SSBP3: variants seen among roughly 807,000 people sequenced by gnomAD.
The protein encoded by SSBP3 is single stranded DNA binding protein 3.
A neutral mutation model predicts 69.6 loss-of-function variants in SSBP3; 5 were observed. The observed-to-expected ratio is 0.07, with a 90% CI of 0.04 to 0.15. The LOEUF (loss-of-function observed/expected upper bound fraction) is 0.15. SSBP3 is among the 10% of genes least tolerant of loss of function. The pLI, the probability that SSBP3 is intolerant of heterozygous loss-of-function variation, is 1.00. For synonymous variants in SSBP3, 196 were observed against 193.4 expected (o/e 1.01, Z -0.11); for missense variants, 312 against 534.0 (o/e 0.58, Z 4.10).
rs189543623 is a variant in SSBP3 at position 54,310,366 on chromosome 1, T to C, written c.277-28839A>G. On this transcript the variant is annotated intron_variant, in intron 4 of 17. Coordinates refer to ENST00000610401, the Ensembl canonical transcript of SSBP3. ...ACACCTGGTCACCTTCCATAGAGAT[T>C]TCTAAAGGCATTGAGAGCATGGTTT... Among the ~76,000 whole-genome samples, 1,041 of 152,148 alleles carry C rather than the reference T, an allele frequency of 6.8e-3. 11 individuals are homozygous for C. Among genetic ancestry groups the C allele is most frequent in the Non-Finnish European group, 0.01 (713 of 67,996 alleles).
intron 4 of SSBP3, among the ~76,000 whole-genome samples, chr1:54,384,269 A>G (rs557098209): frequency 5.9e-5 from 9 of 152,326 alleles, no homozygotes; most frequent in African/African-American, 1.9e-4. Context: ...TCGATGTGTC[A>G]AAGACCTACT....
chr1:54,379,018 G>A (rs777517082), intron 4 of SSBP3, among the ~76,000 whole-genome samples: 2 of 150,290 alleles, frequency 1.3e-5, no homozygotes, highest in South Asian at 4.3e-4. Context: ...CCCCGCCACC[G>A]CCTGGCCAGG....
At chr1:54,371,501 A>G (rs1647133326) in intron 4 of SSBP3, among the ~76,000 whole-genome samples, 1 of 152,212 alleles carries the variant, frequency 6.6e-6, no homozygotes, top group Admixed American at 6.5e-5. Flanking sequence ...TGACACGGGC[A>G]CAGGAATGGG....
chr1:54,341,117 G>A (rs1042965142), intron 4 of SSBP3, among the ~76,000 whole-genome samples: 3 of 152,194 alleles, frequency 2.0e-5, no homozygotes, highest in African/African-American at 7.2e-5. Context: ...CCTGGTGCTG[G>A]ATTAACTCTC....
intron 9 of SSBP3, among the ~76,000 whole-genome samples, chr1:54,247,621 A>C (rs1644756644): frequency 6.6e-6 from 1 of 152,136 alleles, no homozygotes; most frequent in Admixed American, 6.5e-5. Context: ...CTGAACTCTC[A>C]AATGCAGACA....
intron 10 of SSBP3, 106 bp downstream of exon 10, chr1:54,243,129 A>G: frequency 2.0e-6 from 2 of 993,684 alleles, no homozygotes; most frequent in African/African-American, 1.6e-5. Flanking sequence ...ACTGAGGTCC[A>G]GAGAGGTACC....
At chr1:54,233,892 C>T (rs1644436882) in intron 14 of SSBP3, among the ~76,000 whole-genome samples, 1 of 152,106 alleles carries the variant, frequency 6.6e-6, no homozygotes, top group Non-Finnish European at 1.5e-5. Flanking sequence ...ACAATGGCGG[C>T]TTTGTGGAAT....
At chr1:54,287,830 A>G (rs1388192575) in intron 4 of SSBP3, among the ~76,000 whole-genome samples, 2 of 152,210 alleles carry the variant, frequency 1.3e-5, no homozygotes, top group Non-Finnish European at 2.9e-5. Flanking sequence ...TCATATGCAG[A>G]CCACAGAACA....
At position 54,228,862 on chromosome 1, in the gene SSBP3, G is replaced by A. The variant is rs376815878; in HGVS notation, c.928-36C>T. On this transcript the variant is annotated intron_variant, in intron 14 of 17. Transcript: ENST00000610401. ...AGCACAGGGCATGGCAGCTCAGCGG[G>A]CCCTGGCCCTCTGCACCCCTCACAG... 620 of 1,596,708 alleles carry A rather than the reference G, an allele frequency of 3.9e-4. 8 individuals are homozygous for A. In the East Asian group the frequency reaches 0.013, roughly 33 times the overall value.
chr1:54,333,435 C>G (rs1354675682), intron 4 of SSBP3, among the ~76,000 whole-genome samples: 1 of 152,176 alleles, frequency 6.6e-6, no homozygotes, highest in African/African-American at 2.4e-5. Context: ...TCTCACCACC[C>G]CAACCCACCT....
In SSBP3 at chr1:54,404,943, CA is replaced by C. The variant is rs766328721; in HGVS notation, c.57-14del. On this transcript the variant is annotated splice_polypyrimidine_tract_variant and intron_variant, in intron 1 of 17. Transcript: ENST00000610401. ...GTATAAAGCTAACCTGGAAAGTGGACAGGGGGCAAAGAGAGAGAGGGAAAGG... is the reference window on the plus strand; with the variant it reads ...GTATAAAGCTAACCTGGAAAGTGGACGGGGGCAAAGAGAGAGAGGGAAAGG... 17 of 1,610,730 alleles carry C rather than the reference CA, an allele frequency of 1.1e-5. No individual in the cohort carries two copies. Among genetic ancestry groups the C allele is most frequent in the African/African-American group, 9.4e-5 (7 of 74,750 alleles).
intron 5 of SSBP3, among the ~76,000 whole-genome samples, chr1:54,269,381 A>T (rs1158470665): frequency 1.3e-5 from 2 of 151,732 alleles, no homozygotes; most frequent in Non-Finnish European, 2.9e-5. Flanking sequence ...TCACCACTGG[A>T]CTCTTATATC....
At chr1:54,316,850 G>A (rs1166200679) in intron 4 of SSBP3, among the ~76,000 whole-genome samples, 2 of 152,018 alleles carry the variant, frequency 1.3e-5, no homozygotes. Flanking sequence ...CAAGGCACTC[G>A]CAAATTTGGT....
chr1:54,286,161 A>G (rs1557496178), intron 4 of SSBP3, among the ~76,000 whole-genome samples: 1 of 152,108 alleles, frequency 6.6e-6, no homozygotes, highest in Non-Finnish European at 1.5e-5. Flanking sequence ...GAGCCCACAG[A>G]TAACAGTGGG....
chr1:54,279,526 G>T (rs1224569899), intron 5 of SSBP3, among the ~76,000 whole-genome samples: 2 of 152,188 alleles, frequency 1.3e-5, no homozygotes, highest in Non-Finnish European at 2.9e-5. Flanking sequence ...TACCACAGTG[G>T]TCTAATCTGC....
rs575960072 is a variant in SSBP3, at chr1:54,366,671, C to T, written c.276+35190G>A. ...CAGTGAAGGGCAGGGAGTTTTGCTT[C>T]ACTTCTTATTTTATATACCTCTATA... is the stretch of plus-strand genomic sequence containing the variant. On this transcript the variant is annotated intron_variant, in intron 4 of 17. Coordinates refer to ENST00000610401, the Ensembl canonical transcript of SSBP3. Among the ~76,000 whole-genome samples, 7 of 152,306 alleles carry T rather than the reference C, an allele frequency of 4.6e-5. No homozygotes were observed. In the East Asian group the frequency reaches 1.3e-3, roughly 29 times the overall value.
upstream of SSBP3, among the ~76,000 whole-genome samples, chr1:54,408,480 T>C (rs116683827): frequency 3.3e-3 from 498 of 152,300 alleles, 3 homozygotes; most frequent in Non-Finnish European, 5.9e-3. Flanking sequence ...ACTCATCTTG[T>C]GTCTGCAAGG....
chr1:54,283,035 G>C (rs1468883053), intron 4 of SSBP3, among the ~76,000 whole-genome samples: 1 of 152,216 alleles, frequency 6.6e-6, no homozygotes, highest in Non-Finnish European at 1.5e-5. Flanking sequence ...GGGAGGCCAA[G>C]GTGGGCGGAT....
chr1:54,377,467 GA>G (rs1647285173), intron 4 of SSBP3, among the ~76,000 whole-genome samples: 1 of 152,246 alleles, frequency 6.6e-6, no homozygotes, highest in Admixed American at 6.5e-5. Flanking sequence ...TGAGGTTGCA[GA>G]AAAGAGCAGG....
Sources: allele counts gnomAD v4.1 joint callset (sites outside exome capture counted in the v4.1 genomes callset), GRCh38; gene constraint gnomAD v4.1.1; transcripts MANE v1.5; gene names NCBI Gene and HGNC (gene_info 2026-07-23, HGNC 2026-07-21).